Variants in IL4R observed in about 807,000 individuals in gnomAD.
The protein encoded by IL4R is interleukin-4 receptor subunit alpha.
In IL4R, 17 loss-of-function variants were observed where a neutral mutation model predicts 41.5. The observed-to-expected ratio is 0.41, with a 90% CI of 0.28 to 0.61. The LOEUF (loss-of-function observed/expected upper bound fraction) is 0.61, where lower values mean the gene tolerates loss of function less well. Ranked by LOEUF, IL4R falls within the 20% of genes least tolerant of loss-of-function variation. The probability of loss-of-function intolerance (pLI) is 0.31; values close to 1 mark genes in which losing one functional copy is unlikely to be tolerated. For missense variants in IL4R, 974 were observed against 1,043.1 expected, an observed-to-expected ratio of 0.93 and a Z score of 0.91; for synonymous variants, 402 against 422.9, an observed-to-expected ratio of 0.95 and a Z score of 0.61.
rs1431981723 is a variant in IL4R at position 27,363,722 on chromosome 16, ATCC to A, written c.2373_2375del (p.Ser794del). On this transcript the variant is annotated inframe_deletion, in exon 11 of 11. Coordinates refer to ENST00000395762, the MANE Select transcript of IL4R (RefSeq NM_000418.4). Reference sequence around the variant, plus strand: ...CCTCGGGCATCTCAGAGAAGAGTAAATCCTCATCATCCTTCCATCCTGCCCCTG... The same window carrying A: ...CCTCGGGCATCTCAGAGAAGAGTAAATCATCATCCTTCCATCCTGCCCCTG... The A allele has an allele frequency of 3.7e-6, 6 of 1,613,620 alleles. No individual in the cohort carries two copies. The highest frequency in any genetic ancestry group is 1.1e-5 in the South Asian group (1 of 91,068).
At chr16:27,317,451 C>G (rs1035611586) in intron 1 of IL4R, among the ~76,000 whole-genome samples, 2 of 152,160 alleles carry the variant, frequency 1.3e-5, no homozygotes, top group African/African-American at 4.8e-5. Context: ...GAGACATGCC[C>G]AGCCACGTTT....
intron 6 of IL4R, 110 bp downstream of exon 6, chr16:27,346,728 G>A (rs2085660135): frequency 2.5e-6 from 3 of 1,203,312 alleles, no homozygotes; most frequent in East Asian, 2.3e-5. Context: ...CCCTGGGGCT[G>A]GATAGCAAAT....
chr16:27,364,241 GT>G lies in IL4R; in HGVS notation c.*412del, dbSNP rs2086421160. On this transcript the variant is annotated 3_prime_UTR_variant, in exon 11 of 11. Coordinates refer to ENST00000395762, the MANE Select transcript of IL4R (RefSeq NM_000418.4). ...CCCACGTGGAGGCCCACCTGCCTCTGTCTCACTGAACTAGAAGCCGAGCCTA... is the reference window on the plus strand; with the variant it reads ...CCCACGTGGAGGCCCACCTGCCTCTGCTCACTGAACTAGAAGCCGAGCCTA... 1 of 175,304 alleles carries G rather than the reference GT, an allele frequency of 5.7e-6. No individual in the cohort carries two copies. Among genetic ancestry groups the G allele is most frequent in the Admixed American group, 5.8e-5 (1 of 17,192 alleles). 10.9% of individuals were successfully genotyped at this position (175,304 alleles called of 1,614,324 possible).
intron 9 of IL4R, among the ~76,000 whole-genome samples, chr16:27,359,410 C>T (rs1257579167): frequency 2.6e-5 from 4 of 152,124 alleles, no homozygotes; most frequent in African/African-American, 4.8e-5. Context: ...AAATCCCTTC[C>T]GGGTTCTCAT....
intron 1 of IL4R, among the ~76,000 whole-genome samples, chr16:27,316,885 ATGTATT>A (rs2084666002): frequency 6.6e-6 from 1 of 150,936 alleles, no homozygotes; most frequent in African/African-American, 2.4e-5. Flanking sequence ...AGTACAAACT[ATGTATT>A]TGTTAAATGA....
intron 2 of IL4R, among the ~76,000 whole-genome samples, chr16:27,336,736 CAG>C (rs1238021088): frequency 1.4e-5 from 2 of 145,324 alleles, no homozygotes; most frequent in South Asian, 2.2e-4. Flanking sequence ...GTGGAGGGGA[CAG>C]AGAGAGAAAA....
Position 27,364,106 on chromosome 16 carries a change from C to A in IL4R, c.*276C>A. 2.4e-6 allele frequency: 1 copy of A among 419,366 alleles called. No homozygotes were observed. Among genetic ancestry groups the A allele is most frequent in the South Asian group, 4.5e-5 (1 of 22,394 alleles). 26.0% of individuals were successfully genotyped at this position (419,366 alleles called of 1,614,324 possible). A position where few individuals can be genotyped will look rare whatever the true frequency, so the allele number is the denominator to read the frequency against. The stretch of plus-strand genomic sequence containing the variant: ...AGGCCCCTGCAGGAAAACTGAGGCC[C>A]TTGGGCACCTCGACTTGTGAACGAG... On this transcript the variant is annotated 3_prime_UTR_variant, in exon 11 of 11. Transcript: ENST00000395762.
chr16:27,354,760 G>A (rs1014329437), intron 7 of IL4R, among the ~76,000 whole-genome samples: 1 of 152,182 alleles, frequency 6.6e-6, no homozygotes, highest in Non-Finnish European at 1.5e-5. Context: ...GTGGCAGCTG[G>A]CAGTACCCTG....
chr16:27,363,625 C>T lies in IL4R; in HGVS notation c.2273C>T (p.Pro758Leu), dbSNP rs1596549066. ...GACAGGTCCTCGCCCCCTACAACCC[C>T]CCTGAGGGCCCCAGACCCCTCTCCA... ...CGDRSSPPTT[P>L]LRAPDPSPGG... The change falls in exon 11 of 11, where the codon CCC becomes CTC. Residue 758 changes from proline to leucine, a missense_variant. Around this residue, in one of 3 missense-constraint regions of IL4R, gnomAD observed 682 missense variants for 704.3 expected, o/e 0.97. Coordinates refer to ENST00000395762, the MANE Select transcript of IL4R (RefSeq NM_000418.4). 6.2e-7 allele frequency: 1 copy of T among 1,613,856 alleles called. No homozygotes were observed. The highest frequency in any genetic ancestry group is 1.7e-5 in the Admixed American group (1 of 60,022).
intron 2 of IL4R, among the ~76,000 whole-genome samples, chr16:27,330,450 T>C (rs1202953100): frequency 4.0e-5 from 6 of 151,894 alleles, no homozygotes; most frequent in African/African-American, 1.4e-4. Flanking sequence ...TTCTATGCTG[T>C]TCCCCCCGAG....
intron 1 of IL4R, among the ~76,000 whole-genome samples, chr16:27,320,701 C>CA (rs1279065087): frequency 6.6e-6 from 1 of 152,184 alleles, no homozygotes; most frequent in Non-Finnish European, 1.5e-5. Context: ...TTGAAAAACT[C>CA]AGAGAAGGCC....
intron 1 of IL4R, among the ~76,000 whole-genome samples, chr16:27,322,648 C>T (rs772118030): frequency 1.9e-4 from 29 of 151,992 alleles, no homozygotes; most frequent in African/African-American, 5.3e-4. Context: ...AATTCAAGGC[C>T]GCAGTGAGCT....
chr16:27,360,250 G>T (rs3024666), intron 9 of IL4R, among the ~76,000 whole-genome samples: 1 of 151,898 alleles, frequency 6.6e-6, no homozygotes, highest in African/African-American at 2.4e-5. Flanking sequence ...CTAATATCAG[G>T]TGATCCACCC....
intron 2 of IL4R, among the ~76,000 whole-genome samples, 156 bp downstream of exon 2, chr16:27,330,354 T>C (rs1420884107): frequency 7.0e-6 from 1 of 141,854 alleles, no homozygotes; most frequent in African/African-American, 2.7e-5. Flanking sequence ...ACCACTGCAC[T>C]CCAGCCTGGG....
In IL4R at chr16:27,355,801, C is replaced by G; in HGVS notation, c.671-7C>G. ...CCTCAGCTCATGGCTTCCCCTCCCA[C>G]TTCCAGCCTACAGGGAGCCCTTCGA... is the stretch of plus-strand genomic sequence containing the variant. On this transcript the variant is annotated splice_polypyrimidine_tract_variant and splice_region_variant and intron_variant, in intron 7 of 10. Transcript: ENST00000395762. 2 of 1,607,912 alleles carry G rather than the reference C, an allele frequency of 1.2e-6. No individual in the cohort carries two copies. The highest frequency in any genetic ancestry group is 1.7e-6 in the Non-Finnish European group (2 of 1,175,362).
intron 7 of IL4R, 199 bp from the exon 8 acceptor site, chr16:27,355,609 G>A: frequency 1.9e-6 from 1 of 531,828 alleles, no homozygotes; most frequent in Non-Finnish European, 3.4e-6. Context: ...AGGAGCAGGG[G>A]GCAATGAGGT....
rs978708806 is a variant in IL4R at position 27,363,987 on chromosome 16, C to T, written c.*157C>T. Reference sequence around the variant, plus strand: ...ATTGGCCCCACTGACGTTGGCCTAACACTGGGCTGCAGAGACTGGACCCCG... The same window carrying T: ...ATTGGCCCCACTGACGTTGGCCTAATACTGGGCTGCAGAGACTGGACCCCG... On this transcript the variant is annotated 3_prime_UTR_variant, in exon 11 of 11. Coordinates refer to ENST00000395762, the MANE Select transcript of IL4R (RefSeq NM_000418.4). 1.7e-5 allele frequency: 14 copies of T among 830,756 alleles called. No individual in the cohort carries two copies. The highest frequency in any genetic ancestry group is 2.6e-5 in the Non-Finnish European group (14 of 533,130). 51.5% of individuals were successfully genotyped at this position (830,756 alleles called of 1,614,324 possible).
chr16:27,317,818 G>C (rs2084691004), intron 1 of IL4R, among the ~76,000 whole-genome samples: 1 of 152,218 alleles, frequency 6.6e-6, no homozygotes, highest in Admixed American at 6.5e-5. Context: ...GAGCATTCAT[G>C]AGATAGTTTG....
Position 27,334,365 on chromosome 16 carries a change from C to G in IL4R, c.-19+4167C>G, listed in dbSNP as rs1277877693. The G allele has an allele frequency of 2.0e-5, 3 of 152,130 alleles. 1 individual carries two copies. The highest frequency in any genetic ancestry group is 4.4e-5 in the Non-Finnish European group (3 of 68,018). The allele number at this position is 152,130 out of a possible 1,614,324, so 9.4% of individuals were successfully genotyped here. ...TGTGATCTCTCCTGAAATGTAGCAC[C>G]CACACATCCCTGAGAAGCTAGCTGC... is the stretch of plus-strand genomic sequence containing the variant. On this transcript the variant is annotated intron_variant, in intron 2 of 10. Coordinates refer to ENST00000395762, the MANE Select transcript of IL4R (RefSeq NM_000418.4).
Sources: allele counts gnomAD v4.1 joint callset (sites outside exome capture counted in the v4.1 genomes callset), GRCh38; gene constraint gnomAD v4.1.1; regional missense constraint gnomAD v4.1.1; transcripts MANE v1.5; gene names NCBI Gene and HGNC (gene_info 2026-07-23, HGNC 2026-07-21).